The following DGKB variants were observed in gnomAD, a reference collection of about 807,000 sequenced individuals.
DGKB encodes 90 kDa diacylglycerol kinase.
Under a neutral mutation model 114.3 loss-of-function variants are expected in DGKB, and 67 were observed. The ratio of observed to expected loss-of-function variants is 0.59; its 90% CI spans 0.48 to 0.72. The LOEUF is 0.72. DGKB is among the 30% of genes least tolerant of loss of function. The pLI is 0.00. For synonymous variants in DGKB, 398 were observed against 323.1 expected (o/e 1.23, Z -2.49); for missense variants, 907 against 975.2 (o/e 0.93, Z 0.93).
chr7:14,227,004 C>A (rs1218169832), intron 23 of DGKB, among the ~76,000 whole-genome samples: 1 of 152,010 alleles, frequency 6.6e-6, no homozygotes, highest in African/African-American at 2.4e-5. Flanking sequence ...TTCTAAGTAA[C>A]TGGGACTACA....
At chr7:14,435,406 T>C (rs940289120) in intron 21 of DGKB, among the ~76,000 whole-genome samples, 1 of 152,104 alleles carries the variant, frequency 6.6e-6, no homozygotes, top group African/African-American at 2.4e-5. Flanking sequence ...GCTCCTCCAA[T>C]TGGTCAGTAT....
chr7:14,526,567 C>T (rs905769862), intron 20 of DGKB, among the ~76,000 whole-genome samples: 16 of 151,930 alleles, frequency 1.1e-4, no homozygotes, highest in Admixed American at 7.9e-4. Context: ...ATAGCTTTTC[C>T]AAATAAAAAC....
In DGKB at chr7:14,254,832, T is replaced by A. The variant is rs186137951; in HGVS notation, c.2123-76681A>T. On this transcript the variant is annotated intron_variant, in intron 23 of 25. Coordinates refer to ENST00000402815, the MANE Select transcript of DGKB (RefSeq NM_001350709.2). ...AATAGAACCCATCTGAGATTTTTCC[T>A]CTTTACCCCATCTTCAGCCCTTCCA... Among the ~76,000 whole-genome samples, 326 of 152,290 alleles carry A rather than the reference T, an allele frequency of 2.1e-3. 2 individuals are homozygous for A. Among genetic ancestry groups the A allele is most frequent in the Non-Finnish European group, 3.7e-3 (251 of 68,004 alleles).
rs551109889 is a variant in DGKB, at chr7:14,853,767, C to T, written c.-187-12317G>A. ...CCTGTAGTCCCAGCTACTCGGGAGG[C>T]TGAGGCAGGAGAATGGCGTGAACCC... On this transcript the variant is annotated intron_variant, in intron 1 of 25. Transcript: ENST00000402815. Among the ~76,000 whole-genome samples, 8 of 147,476 alleles carry T rather than the reference C, an allele frequency of 5.4e-5. 1 individual carries two copies. The South Asian group carries it at 1.7e-3, about 32-fold the overall frequency.
intron 8 of DGKB, among the ~76,000 whole-genome samples, chr7:14,694,549 T>G (rs73680190): frequency 0.023 from 3,484 of 152,324 alleles, 129 homozygotes; most frequent in African/African-American, 0.08. Context: ...CTGAACAAAT[T>G]AACTTCATGG....
intron 7 of DGKB, among the ~76,000 whole-genome samples, chr7:14,700,151 G>A (rs1263542381): frequency 1.3e-5 from 2 of 151,862 alleles, no homozygotes; most frequent in African/African-American, 4.8e-5. Flanking sequence ...ATGTAGCTTG[G>A]TATTTCTAAT....
At chr7:14,205,306 A>T (rs1786592503) in intron 23 of DGKB, among the ~76,000 whole-genome samples, 1 of 151,880 alleles carries the variant, frequency 6.6e-6, no homozygotes, top group Non-Finnish European at 1.5e-5. Context: ...TCCAGGGAGC[A>T]GCTATGGTTC....
chr7:14,967,170 G>C (rs1787203003), intron 1 of DGKB, among the ~76,000 whole-genome samples: 1 of 152,086 alleles, frequency 6.6e-6, no homozygotes, highest in Admixed American at 6.6e-5. Context: ...TTACTTGAAA[G>C]ACGGAAAATT....
intron 12 of DGKB, among the ~76,000 whole-genome samples, chr7:14,679,033 T>C (rs1055238980): frequency 1.3e-5 from 2 of 151,818 alleles, no homozygotes; most frequent in Admixed American, 6.6e-5. Context: ...AATCAGTCAG[T>C]TGGGCTTAGG....
chr7:14,338,586 C>A lies in DGKB; in HGVS notation c.2051G>T (p.Arg684Leu), dbSNP rs61753126. 2.9e-5 allele frequency: 47 copies of A among 1,608,272 alleles called. No individual in the cohort carries two copies. In the East Asian group the frequency reaches 1.0e-3, roughly 35 times the overall value. ...GESKKRRSHR[R>L]IEKKGSDKRT... ...TTTGTCAGACCCTTTTTTCTCTATT[C>A]GTCGATGGCTTCGTCTTTTCTTAGA... Residue 684 changes from arginine to leucine, a missense_variant, in exon 23 of 26, where the codon CGA (arginine) becomes CTA (leucine). This residue lies in a region of DGKB where 814 missense variants were observed against 856.6 expected (regional missense o/e 0.95). Coordinates refer to ENST00000402815, the MANE Select transcript of DGKB (RefSeq NM_001350709.2).
At chr7:14,199,721 C>T (rs1427801329) in intron 23 of DGKB, among the ~76,000 whole-genome samples, 1 of 151,990 alleles carries the variant, frequency 6.6e-6, no homozygotes, top group Non-Finnish European at 1.5e-5. Flanking sequence ...TATAATGAAG[C>T]TCTTAATTAG....
At chr7:14,754,659 G>A (rs1361485268) in intron 3 of DGKB, among the ~76,000 whole-genome samples, 1 of 152,016 alleles carries the variant, frequency 6.6e-6, no homozygotes, top group Non-Finnish European at 1.5e-5. Flanking sequence ...TATTTACATG[G>A]CCTGACTATG....
At chr7:14,287,196 G>A (rs1004529445) in intron 23 of DGKB, among the ~76,000 whole-genome samples, 1 of 151,988 alleles carries the variant, frequency 6.6e-6, no homozygotes, top group African/African-American at 2.4e-5. Context: ...CAACATAACA[G>A]AATAAAATTT....
At chr7:14,254,863 C>T (rs1043811115) in intron 23 of DGKB, among the ~76,000 whole-genome samples, 1 of 152,210 alleles carries the variant, frequency 6.6e-6, no homozygotes, top group Middle Eastern at 3.4e-3. Flanking sequence ...TTCCATAATA[C>T]CTTGTAAGGA....
At chr7:14,840,607 T>A (rs1349761494) in intron 2 of DGKB, among the ~76,000 whole-genome samples, 1 of 151,946 alleles carries the variant, frequency 6.6e-6, no homozygotes, top group East Asian at 1.9e-4. Flanking sequence ...AGTTGTGCGG[T>A]CCTAACTTGA....
intron 2 of DGKB, chr7:14,816,369 T>C (rs1426881958): frequency 6.6e-6 from 1 of 152,060 alleles, no homozygotes; most frequent in Non-Finnish European, 1.5e-5. Flanking sequence ...GAAATAAACC[T>C]CATGTTCCTT....
At chr7:14,804,307 G>GTTT (rs538355500) in intron 2 of DGKB, among the ~76,000 whole-genome samples, 1 of 151,308 alleles carries the variant, frequency 6.6e-6, no homozygotes, top group Non-Finnish European at 1.5e-5. Flanking sequence ...TAGGTAACAT[G>GTTT]TTTTTTTTCT....
Position 14,633,470 on chromosome 7 carries a change from A to G in DGKB, c.1135-3202T>C, listed in dbSNP as rs188885360. Among the ~76,000 whole-genome samples, 24 of 152,042 alleles carry G rather than the reference A, an allele frequency of 1.6e-4. No individual in the cohort carries two copies. The East Asian group carries it at 3.7e-3, about 23-fold the overall frequency. On this transcript the variant is annotated intron_variant, in intron 13 of 25. Transcript: ENST00000402815. The stretch of plus-strand genomic sequence containing the variant: ...ACAATCAAAATGTGTAAAGAGTTAT[A>G]TATTAAATGTACATGCCCATCAGTA...
intron 23 of DGKB, among the ~76,000 whole-genome samples, chr7:14,298,984 C>A (rs2128484557): frequency 6.6e-6 from 1 of 152,208 alleles, no homozygotes; most frequent in African/African-American, 2.4e-5. Flanking sequence ...AACTCAAAAA[C>A]CACAATGAGA....
Sources: allele counts gnomAD v4.1 joint callset (sites outside exome capture counted in the v4.1 genomes callset), GRCh38; gene constraint gnomAD v4.1.1; regional missense constraint gnomAD v4.1.1; transcripts MANE v1.5; gene names NCBI Gene and HGNC (gene_info 2026-07-23, HGNC 2026-07-21).